METTL22: variants seen among roughly 807,000 people sequenced by gnomAD.
The protein encoded by METTL22 is methyltransferase-like protein 22.
In METTL22, 51 loss-of-function variants were observed where a neutral mutation model predicts 48.4. The ratio of observed to expected loss-of-function variants is 1.05; its 90% CI spans 0.84 to 1.33. METTL22 has a LOEUF of 1.33. METTL22 is among the 40% of genes most tolerant of loss of function. METTL22 has a pLI of 0.00. For synonymous variants in METTL22, 255 were observed against 214.1 expected (o/e 1.19, Z -1.67); for missense variants, 678 against 526.9 (o/e 1.29, Z -2.81).
chr16:8,629,648 T>C (rs1202092278), intron 3 of METTL22, among the ~76,000 whole-genome samples: 1 of 151,956 alleles, frequency 6.6e-6, no homozygotes, highest in Non-Finnish European at 1.5e-5. Flanking sequence ...AGGGGAGTGA[T>C]GAAGTGGCGG....
At chr16:8,650,241 C>T (rs994712039), downstream of METTL22, among the ~76,000 whole-genome samples, 1 of 152,220 alleles carries the variant, frequency 6.6e-6, no homozygotes, top group Non-Finnish European at 1.5e-5. Context: ...GGAGCATCGC[C>T]TAAGCGAAGG....
chr16:8,638,403 T>G (rs936468113), intron 5 of METTL22, among the ~76,000 whole-genome samples: 1 of 152,150 alleles, frequency 6.6e-6, no homozygotes, highest in African/African-American at 2.4e-5. Flanking sequence ...GAAGTTTATT[T>G]TTGGTAAAGC....
chr16:8,625,483 C>A lies in METTL22; in HGVS notation c.-170-13C>A. 1 of 460,400 alleles carries A rather than the reference C, an allele frequency of 2.2e-6. No individual in the cohort carries two copies. The highest frequency in any genetic ancestry group is 5.1e-5 in the South Asian group (1 of 19,556). The allele number at this position is 460,400 out of a possible 1,614,324, so 28.5% of individuals were successfully genotyped here. ...TGAAATGAATATAAACAAAATAACG[C>A]ATTAATTTCCAGCTGGATTCTCTTC... On this transcript the variant is annotated splice_polypyrimidine_tract_variant and intron_variant, in intron 1 of 10. Transcript: ENST00000381920.
the METTL22 span, among the ~76,000 whole-genome samples, chr16:8,656,377 C>A: frequency 9.5e-3 from 1,445 of 152,298 alleles, 29 homozygotes; most frequent in African/African-American, 0.033. Flanking sequence ...ACCCTGAGGG[C>A]CTTTTCCCCA....
Position 8,644,620 on chromosome 16 carries a change from C to T in METTL22, c.1074C>T (p.Cys358=). 3 of 1,605,770 alleles carry T rather than the reference C, an allele frequency of 1.9e-6. No homozygotes were observed. The highest frequency in any genetic ancestry group is 1.7e-4 in the Middle Eastern group (1 of 6,050). The change falls in exon 10 of 11, where the codon TGC becomes TGT. Residue 358 remains cysteine (C), a synonymous_variant. Transcript: ENST00000381920. ...TCEAYDHFRS[C]LHALEQLADG... ...AAGCCTACGATCACTTCCGCTCCTGCCTGCACGCGCTGGAGCAGCTCGCAG... is the reference window on the plus strand; with the variant it reads ...AAGCCTACGATCACTTCCGCTCCTGTCTGCACGCGCTGGAGCAGCTCGCAG...
chr16:8,659,887 G>C, the METTL22 span, among the ~76,000 whole-genome samples: 1 of 151,906 alleles, frequency 6.6e-6, no homozygotes, highest in Non-Finnish European at 1.5e-5. Flanking sequence ...ACCATACCCA[G>C]CTAATTTTTT....
the METTL22 span, among the ~76,000 whole-genome samples, chr16:8,656,824 A>C: frequency 6.6e-6 from 1 of 152,194 alleles, no homozygotes; most frequent in African/African-American, 2.4e-5. Context: ...GAGGTCCAAG[A>C]GCTAAAGGCC....
At chr16:8,654,372 TTACA>T (rs2056936263), downstream of METTL22, among the ~76,000 whole-genome samples, 1 of 152,246 alleles carries the variant, frequency 6.6e-6, no homozygotes, top group Non-Finnish European at 1.5e-5. Flanking sequence ...AGGTGGAAAG[TTACA>T]TACCACATGG....
In METTL22 at chr16:8,646,352, C is replaced by G. The variant is rs968564355; in HGVS notation, c.*209C>G. The G allele has an allele frequency of 4.2e-6, 3 of 719,708 alleles. No homozygotes were observed. The highest frequency in any genetic ancestry group is 2.0e-5 in the Admixed American group (1 of 49,842). 44.6% of individuals were successfully genotyped at this position (719,708 alleles called of 1,614,324 possible). On this transcript the variant is annotated 3_prime_UTR_variant, in exon 11 of 11. Coordinates refer to ENST00000381920, the MANE Select transcript of METTL22 (RefSeq NM_024109.4). ...GGTTGTTGCTGTGGGCTGGAGGTCACTTTAGTTGCCTGTTTCTCATGGTTG... is the reference window on the plus strand; with the variant it reads ...GGTTGTTGCTGTGGGCTGGAGGTCAGTTTAGTTGCCTGTTTCTCATGGTTG...
At chr16:8,632,201 T>C (rs6498311) in intron 3 of METTL22, 150,376 of 152,280 alleles carry the variant, frequency 0.99, 74,281 homozygotes, top group Middle Eastern at 1. Context: ...CCCAGGGAGT[T>C]GCACAGCATC....
intron 7 of METTL22, 158 bp from the exon 8 acceptor site, chr16:8,641,969 C>G (rs917537844): frequency 3.1e-6 from 2 of 649,312 alleles, no homozygotes; most frequent in Non-Finnish European, 5.6e-6. Context: ...CAGCAGTGGG[C>G]CTGAAGCAGG....
chr16:8,656,179 TCAAA>T, the METTL22 span, among the ~76,000 whole-genome samples: 6 of 152,148 alleles, frequency 3.9e-5, no homozygotes, highest in East Asian at 1.9e-4. Flanking sequence ...CTGCTTGGGC[TCAAA>T]CAGTCTTTCT....
chr16:8,660,825 A>G, the METTL22 span, among the ~76,000 whole-genome samples: 4 of 1,208 alleles, frequency 3.3e-3, no homozygotes, highest in Non-Finnish European at 7.6e-3. Context: ...GAGGAGGAGG[A>G]GGAGGGGGAG....
chr16:8,636,251 T>C (rs1037553246), intron 5 of METTL22, among the ~76,000 whole-genome samples: 1 of 152,110 alleles, frequency 6.6e-6, no homozygotes, highest in African/African-American at 2.4e-5. Context: ...AATTATTATA[T>C]AGGCCAGGTG....
At chr16:8,644,846 T>A in intron 10 of METTL22, 121 bp downstream of exon 10, 1 of 1,111,896 alleles carries the variant, frequency 9.0e-7, no homozygotes, top group Non-Finnish European at 1.2e-6. Flanking sequence ...CTGCAGGGGG[T>A]GAAGCCTGCG....
At chr16:8,666,655 A>G in the METTL22 span, 6 of 152,318 alleles carry the variant, frequency 3.9e-5, no homozygotes, top group East Asian at 9.6e-4. Context: ...GAAGTCATCT[A>G]TGTAAAGTCA....
At chr16:8,645,101 C>T (rs745393040) in intron 10 of METTL22, 42 of 169,714 alleles carry the variant, frequency 2.5e-4, no homozygotes, top group Admixed American at 1.9e-4. Flanking sequence ...CTGTGGTGGC[C>T]GCTGCTCACA....
the METTL22 span, among the ~76,000 whole-genome samples, chr16:8,662,384 TG>T: frequency 1.4e-5 from 2 of 145,174 alleles, no homozygotes; most frequent in Non-Finnish European, 3.0e-5. Flanking sequence ...CCTTGTGGAT[TG>T]GAGCTTATGC....
chr16:8,635,449 C>G lies in METTL22; in HGVS notation c.700+137C>G, dbSNP rs567300089. 5.9e-6 allele frequency: 6 copies of G among 1,011,498 alleles called. No homozygotes were observed. In the South Asian group the frequency reaches 7.8e-5, roughly 13 times the overall value. 62.7% of individuals were successfully genotyped at this position (1,011,498 alleles called of 1,614,324 possible). ...ATTTTGCCATCCTGGTCCCCTGGCC[C>G]TCTCCACTCTCCATTTATTCTCAGT... On this transcript the variant is annotated intron_variant, in intron 5 of 10. Transcript: ENST00000381920.
Sources: gnomAD v4.1 joint callset for allele counts (sites outside exome capture counted in the v4.1 genomes callset) on GRCh38, gnomAD v4.1.1 for gene constraint, MANE v1.5 for transcripts, NCBI Gene and HGNC (gene_info 2026-07-23, HGNC 2026-07-21) for gene names.